The following RGSL1 variants were observed in gnomAD, a reference collection of about 807,000 sequenced individuals.
The protein encoded by RGSL1 is regulator of G protein signaling like 1, also known as regulator of G protein signaling protein-like.
In RGSL1, 97 loss-of-function variants were observed where a neutral mutation model predicts 124.7. That is an observed-to-expected ratio of 0.78 (90% CI 0.66 to 0.92). The LOEUF is 0.92. Among genes scored for constraint, RGSL1 ranks in the 40% least tolerant of loss-of-function variants. The pLI is 0.00. For missense variants in RGSL1, 1,233 were observed against 1,288.4 expected (o/e 0.96, Z 0.66); for synonymous variants, 424 against 438.1 (o/e 0.97, Z 0.40).
intron 11 of RGSL1, among the ~76,000 whole-genome samples, chr1:182,529,773 A>G (rs1032527497): frequency 2.6e-5 from 4 of 152,200 alleles, no homozygotes; most frequent in East Asian, 1.9e-4. Flanking sequence ...GAAGAGGAAG[A>G]GTGTCCAGAT....
At chr1:182,491,510 C>T (rs1372852700) in intron 8 of RGSL1, among the ~76,000 whole-genome samples, 1 of 152,104 alleles carries the variant, frequency 6.6e-6, no homozygotes, top group Non-Finnish European at 1.5e-5. Flanking sequence ...CCACCACACC[C>T]GACCACTATC....
At chr1:182,531,382 A>C (rs1322087068) in intron 13 of RGSL1, among the ~76,000 whole-genome samples, 1 of 152,158 alleles carries the variant, frequency 6.6e-6, no homozygotes, top group Non-Finnish European at 1.5e-5. Context: ...TCTTTCTCCT[A>C]TGGGAGAACA....
chr1:182,484,814 T>C (rs1357103036), intron 6 of RGSL1, among the ~76,000 whole-genome samples: 1 of 152,158 alleles, frequency 6.6e-6, no homozygotes, highest in Non-Finnish European at 1.5e-5. Context: ...CCACTTGTGG[T>C]TGGCCCCAAG....
rs111778820 is a variant in RGSL1, at chr1:182,558,054, A to AGAAGGAAGGAAG, written c.*165+1847_*165+1858dup. 6.3e-3 allele frequency among the ~76,000 whole-genome samples: 961 copies of AGAAGGAAGGAAG among 151,542 alleles called. 9 individuals carry two copies. Among genetic ancestry groups the AGAAGGAAGGAAG allele is most frequent in the South Asian group, 0.01 (49 of 4,752 alleles). On this transcript the variant is annotated intron_variant, in intron 21 of 21. Coordinates refer to ENST00000294854, the MANE Select transcript of RGSL1 (RefSeq NM_001137669.2). ...CCAGAGCTTCTACTTAGGAATAAAAAGAAGGAAGGAAGGAAGGAAGGAAGG... is the reference window on the plus strand; with the variant it reads ...CCAGAGCTTCTACTTAGGAATAAAAAGAAGGAAGGAAGGAAGGAAGGAAGGAAGGAAGGAAGG...
intron 6 of RGSL1, among the ~76,000 whole-genome samples, chr1:182,482,708 T>G (rs903680715): frequency 1.3e-5 from 2 of 152,220 alleles, no homozygotes; most frequent in African/African-American, 4.8e-5. Context: ...GAAAACAGTA[T>G]GCAGGTTTCT....
chr1:182,477,176 C>T (rs187576039), intron 6 of RGSL1, among the ~76,000 whole-genome samples: 4 of 152,300 alleles, frequency 2.6e-5, no homozygotes, highest in African/African-American at 9.6e-5. Context: ...CCAAGGAAAG[C>T]TGCTTTGAAA....
intron 1 of RGSL1, among the ~76,000 whole-genome samples, chr1:182,452,501 G>A (rs1406692161): frequency 2.6e-5 from 4 of 151,050 alleles, no homozygotes; most frequent in African/African-American, 9.7e-5. Context: ...CACTCAGGCT[G>A]GAGTGCAGTG....
chr1:182,507,762 G>A (rs373198351), intron 9 of RGSL1, among the ~76,000 whole-genome samples: 2 of 151,976 alleles, frequency 1.3e-5, no homozygotes, highest in East Asian at 3.9e-4. Flanking sequence ...GAATGCAGTG[G>A]TGCAATCATG....
intron 20 of RGSL1, 101 bp from the exon 21 acceptor site, chr1:182,555,923 A>G (rs1479668085): frequency 1.9e-6 from 2 of 1,069,232 alleles, no homozygotes; most frequent in African/African-American, 3.2e-5. Flanking sequence ...AGTTTTGGCT[A>G]TTGCCATTCC....
chr1:182,545,273 A>T (rs1474149487), intron 15 of RGSL1, among the ~76,000 whole-genome samples: 1 of 152,194 alleles, frequency 6.6e-6, no homozygotes, highest in Non-Finnish European at 1.5e-5. Flanking sequence ...AGAAACAAAG[A>T]AAAAACTAAA....
intron 4 of RGSL1, chr1:182,460,826 T>G: frequency 2.3e-6 from 1 of 427,218 alleles, no homozygotes; most frequent in East Asian, 7.0e-5. Context: ...GACAGTAAAT[T>G]GTAGTTGATC....
At chr1:182,497,510 TG>T (rs1656023578) in intron 9 of RGSL1, among the ~76,000 whole-genome samples, 1 of 151,984 alleles carries the variant, frequency 6.6e-6, no homozygotes, top group South Asian at 2.1e-4. Flanking sequence ...TTGAACCACT[TG>T]ACAGTAGCTG....
chr1:182,475,068 A>G (rs1288491206), intron 6 of RGSL1, among the ~76,000 whole-genome samples: 1 of 152,180 alleles, frequency 6.6e-6, no homozygotes. Flanking sequence ...CAAAAATTCT[A>G]AAGTACAATG....
At chr1:182,509,766 G>T (rs867296708) in intron 9 of RGSL1, among the ~76,000 whole-genome samples, 1 of 131,502 alleles carries the variant, frequency 7.6e-6, no homozygotes, top group Non-Finnish European at 1.7e-5. Context: ...GGGTGGGGGG[G>T]CTGACCCCCC....
At chr1:182,529,541 G>A (rs1435755821) in intron 11 of RGSL1, among the ~76,000 whole-genome samples, 1 of 152,144 alleles carries the variant, frequency 6.6e-6, no homozygotes, top group Non-Finnish European at 1.5e-5. Context: ...AGCAGAAGTT[G>A]CAAATAATGC....
intron 9 of RGSL1, among the ~76,000 whole-genome samples, chr1:182,494,606 AT>A (rs1240403203): frequency 6.6e-6 from 1 of 152,178 alleles, no homozygotes; most frequent in East Asian, 1.9e-4. Flanking sequence ...AAGATGACAA[AT>A]TTCCCTAAGT....
At chr1:182,511,284 C>A (rs1036820191) in intron 9 of RGSL1, among the ~76,000 whole-genome samples, 1 of 152,164 alleles carries the variant, frequency 6.6e-6, no homozygotes, top group Admixed American at 6.5e-5. Context: ...CCTGCCTCAG[C>A]CTCCCAAGTA....
At chr1:182,460,923 G>T (rs1414713806) in intron 4 of RGSL1, among the ~76,000 whole-genome samples, 1 of 152,158 alleles carries the variant, frequency 6.6e-6, no homozygotes, top group Non-Finnish European at 1.5e-5. Flanking sequence ...TGTTCCTGGG[G>T]CAGCTTACAG....
intron 8 of RGSL1, among the ~76,000 whole-genome samples, chr1:182,491,059 T>C (rs1230804698): frequency 1.4e-5 from 2 of 148,084 alleles, no homozygotes; most frequent in Non-Finnish European, 3.0e-5. Context: ...CCCAGCTAAT[T>C]TTTTTTTTTT....
Sources: gnomAD v4.1 joint callset for allele counts (sites outside exome capture counted in the v4.1 genomes callset) on GRCh38, gnomAD v4.1.1 for gene constraint, MANE v1.5 for transcripts, NCBI Gene and HGNC (gene_info 2026-07-23, HGNC 2026-07-21) for gene names.